Variants in SLC35D1 observed in about 807,000 individuals in gnomAD.
SLC35D1 encodes nucleotide sugar transporter SLC35D1.
Under a neutral mutation model 46.7 loss-of-function variants are expected in SLC35D1, and 31 were observed. The ratio of observed to expected loss-of-function variants is 0.66; its 90% confidence interval spans 0.50 to 0.90. SLC35D1 has a LOEUF of 0.90. SLC35D1 is among the 40% of genes least tolerant of loss of function. SLC35D1 has a pLI of 0.00. For synonymous variants in SLC35D1, 195 were observed against 164.6 expected, an observed-to-expected ratio of 1.18 and a Z score of -1.41; for missense variants, 397 against 426.2, an observed-to-expected ratio of 0.93 and a Z score of 0.60.
chr1:66,984,533 T>C, the SLC35D1 span: 53 of 1,470,050 alleles, frequency 3.6e-5, no homozygotes, highest in Non-Finnish European at 4.6e-5. Context: ...ATTTAACTTT[T>C]TTCTAATTGT....
At chr1:66,980,315 C>G in the SLC35D1 span, among the ~76,000 whole-genome samples, 1 of 152,182 alleles carries the variant, frequency 6.6e-6, no homozygotes, top group African/African-American at 2.4e-5. Context: ...TCAAGACCAT[C>G]TAATTGAATT....
intron 9 of SLC35D1, among the ~76,000 whole-genome samples, chr1:67,020,932 G>C (rs1056896856): frequency 6.6e-6 from 1 of 152,210 alleles, no homozygotes; most frequent in African/African-American, 2.4e-5. Context: ...GGAACTCTCT[G>C]ATTTACACTG....
downstream of SLC35D1, among the ~76,000 whole-genome samples, chr1:66,996,610 G>A (rs186160488): frequency 1.2e-3 from 188 of 152,258 alleles, 1 homozygote; most frequent in Non-Finnish European, 5.9e-5. Flanking sequence ...ATGGATGGAT[G>A]AACCAATGTA....
the SLC35D1 span, among the ~76,000 whole-genome samples, chr1:66,983,089 T>C: frequency 1.3e-5 from 2 of 152,364 alleles, no homozygotes; most frequent in South Asian, 4.1e-4. Context: ...AAAGTGTTCA[T>C]AAGTTACTTA....
intron 8 of SLC35D1, among the ~76,000 whole-genome samples, chr1:67,024,622 C>A (rs528015998): frequency 6.6e-6 from 1 of 152,268 alleles, no homozygotes; most frequent in African/African-American, 2.4e-5. Context: ...CCCCTAGCTT[C>A]TAGTGGTTTG....
intron 10 of SLC35D1, among the ~76,000 whole-genome samples, chr1:67,014,524 C>T (rs965651608): frequency 6.6e-6 from 1 of 151,908 alleles, no homozygotes; most frequent in Non-Finnish European, 1.5e-5. Flanking sequence ...ATACTGTCTA[C>T]ATAATATCAA....
chr1:67,018,705 A>T (rs1667735516), intron 10 of SLC35D1, among the ~76,000 whole-genome samples: 1 of 152,208 alleles, frequency 6.6e-6, no homozygotes, highest in Non-Finnish European at 1.5e-5. Context: ...AGAAAAAGGA[A>T]TGCTGACCGA....
chr1:67,016,046 C>T (rs1667679592), intron 10 of SLC35D1, among the ~76,000 whole-genome samples: 1 of 151,548 alleles, frequency 6.6e-6, no homozygotes, highest in African/African-American at 2.4e-5. Context: ...AACATATTAG[C>T]CTTATTTAGT....
intron 1 of SLC35D1, 65 bp from the exon 2 acceptor site, chr1:67,053,054 T>A: frequency 1.2e-5 from 19 of 1,580,172 alleles, no homozygotes; most frequent in Middle Eastern, 1.9e-4. Context: ...TGAATTCAAT[T>A]TGCACATCGG....
At position 67,021,706 on chromosome 1, in the gene SLC35D1, G is replaced by GACACACACAC. The variant is rs1304759407; in HGVS notation, c.730-105_730-104insGTGTGTGTGT. ...CGAGTCTGCCTCCAACACAGACACA[G>GACACACACAC]ACACAGACACAGACACAGACACACA... On this transcript the variant is annotated intron_variant, in intron 8 of 11. Transcript: ENST00000235345. 4.1e-5 allele frequency: 10 copies of GACACACACAC among 243,288 alleles called. 1 individual carries two copies. The highest frequency in any genetic ancestry group is 2.3e-4 in the African/African-American group (8 of 34,410). 15.1% of individuals were successfully genotyped at this position (243,288 alleles called of 1,614,324 possible).
chr1:67,044,768 A>G (rs2102354035), intron 7 of SLC35D1, among the ~76,000 whole-genome samples: 1 of 152,360 alleles, frequency 6.6e-6, no homozygotes, highest in East Asian at 1.9e-4. Flanking sequence ...TTTATGCCAT[A>G]TGACTCATAC....
In SLC35D1 at chr1:67,029,938, T is replaced by C. The variant is rs112812769; in HGVS notation, c.730-8336A>G. On this transcript the variant is annotated intron_variant, in intron 8 of 11. Transcript: ENST00000235345. ...TTATTAAGGTATAGTTAACAAAATA[T>C]ATAATTTTAACTTTTCTTCTAATAA... Among the ~76,000 whole-genome samples the C allele has an allele frequency of 3.7e-3, 558 of 152,284 alleles. 5 individuals carry two copies. Among genetic ancestry groups the C allele is most frequent in the African/African-American group, 0.011 (473 of 41,564 alleles).
intron 11 of SLC35D1, among the ~76,000 whole-genome samples, chr1:67,007,787 A>G (rs1489592059): frequency 2.6e-5 from 4 of 152,168 alleles, no homozygotes; most frequent in African/African-American, 9.7e-5. Context: ...TTTGAAGGGG[A>G]GAGGGGTTAT....
chr1:67,024,143 G>A (rs1381277086), intron 8 of SLC35D1, among the ~76,000 whole-genome samples: 4 of 148,806 alleles, frequency 2.7e-5, no homozygotes, highest in Admixed American at 6.7e-5. Context: ...ATGGGGTTTC[G>A]CCATGTTGGC....
chr1:66,989,469 C>G, the SLC35D1 span, among the ~76,000 whole-genome samples: 1 of 152,170 alleles, frequency 6.6e-6, no homozygotes, highest in African/African-American at 2.4e-5. Flanking sequence ...ATATAAACTT[C>G]TAAAAAATTA....
intron 8 of SLC35D1, among the ~76,000 whole-genome samples, chr1:67,030,721 C>T (rs1668000834): frequency 6.6e-6 from 1 of 152,072 alleles, no homozygotes; most frequent in Non-Finnish European, 1.5e-5. Context: ...TTTCGGTGTA[C>T]AATTCTGACA....
rs1645323642 is a variant in SLC35D1, at chr1:67,052,767, T to C, written c.324+4A>G. 4 of 1,613,974 alleles carry C rather than the reference T, an allele frequency of 2.5e-6. No individual in the cohort carries two copies. The highest frequency in any genetic ancestry group is 1.7e-5 in the Admixed American group (1 of 60,012). On this transcript the variant is annotated splice_donor_region_variant and intron_variant, in intron 3 of 11. Transcript: ENST00000235345. ...AAAATAAAGTATCGCTTTTCTTCTT[T>C]TACCTTTCGAGGTACATTTCTGTCA...
chr1:67,032,153 T>C (rs1000741350), intron 8 of SLC35D1: 4 of 935,092 alleles, frequency 4.3e-6, no homozygotes, highest in African/African-American at 3.6e-5. Flanking sequence ...GCTTTCCTTC[T>C]GTTTTGAATA....
the SLC35D1 span, chr1:66,986,666 T>A: frequency 1.9e-6 from 1 of 518,234 alleles, no homozygotes; most frequent in African/African-American, 1.9e-5. Context: ...AACACTTGAC[T>A]TCATCTTAAT....
Sources: gnomAD v4.1 joint callset for allele counts (sites outside exome capture counted in the v4.1 genomes callset) on GRCh38, gnomAD v4.1.1 for gene constraint, MANE v1.5 for transcripts, NCBI Gene and HGNC (gene_info 2026-07-23, HGNC 2026-07-21) for gene names.